MFN1: variants seen among roughly 807,000 people sequenced by gnomAD.
MFN1 encodes the protein mitofusin-1.
In MFN1, 65 loss-of-function variants were observed where a neutral mutation model predicts 92.4. The ratio of observed to expected loss-of-function variants is 0.70; its 90% CI spans 0.58 to 0.86. MFN1 has a LOEUF of 0.86. Among genes scored for constraint, MFN1 ranks in the 40% least tolerant of loss-of-function variants. The pLI, the probability that MFN1 is intolerant of heterozygous loss-of-function variation, is 0.00. For synonymous variants in MFN1, 297 were observed against 300.9 expected (o/e 0.99, Z 0.13); for missense variants, 781 against 868.0 (o/e 0.90, Z 1.26).
rs554123523 is a variant in MFN1 at position 179,385,209 on chromosome 3, G to A, written c.1663-360G>A. On this transcript the variant is annotated intron_variant, in intron 14 of 17. Transcript: ENST00000471841. ...ATTACAGGCGTGAGCCACCGCGCCC[G>A]GCCGAAGTCCTTTTTTTTTTTTTTA... 7.8e-4 allele frequency among the ~76,000 whole-genome samples: 92 copies of A among 118,412 alleles called. 1 individual carries two copies. The highest frequency in any genetic ancestry group is 2.4e-4 in the Non-Finnish European group (14 of 58,650). The allele number at this position is 118,412 out of a possible 152,430, so 77.7% of individuals were successfully genotyped here.
rs887464206 is a variant in MFN1 at position 179,364,554 on chromosome 3, C to G, written c.645+149C>G. 12 of 633,834 alleles carry G rather than the reference C, an allele frequency of 1.9e-5. No individual in the cohort carries two copies. The African/African-American group carries it at 2.0e-4, about 11-fold the overall frequency. The allele number at this position is 633,834 out of a possible 1,614,324, so 39.3% of individuals were successfully genotyped here. A position where few individuals can be genotyped will look rare whatever the true frequency, so the allele number is the denominator to read the frequency against. ...GAAGGGGTTTGTGTTTTCATAGAAC[C>G]AGAAGGGCTGTTTCTAGTCTTTCTA... is the stretch of plus-strand genomic sequence containing the variant. On this transcript the variant is annotated intron_variant, in intron 6 of 17. Coordinates refer to ENST00000471841, the MANE Select transcript of MFN1 (RefSeq NM_033540.3).
rs1396637008 is a variant in MFN1, at chr3:179,389,994, T to A, written c.2013-10T>A. ...GACATTTATGACTGCTTCTAAATTT[T>A]TATTTTAAGACAAATAGCTACCACT... On this transcript the variant is annotated splice_polypyrimidine_tract_variant and intron_variant, in intron 16 of 17. Coordinates refer to ENST00000471841, the MANE Select transcript of MFN1 (RefSeq NM_033540.3). The A allele has an allele frequency of 6.3e-7, 1 of 1,593,214 alleles. No homozygotes were observed. Among genetic ancestry groups the A allele is most frequent in the African/African-American group, 1.4e-5 (1 of 73,554 alleles).
chr3:179,349,594 C>T (rs1329771116), intron 2 of MFN1, among the ~76,000 whole-genome samples: 1 of 151,886 alleles, frequency 6.6e-6, no homozygotes, highest in Non-Finnish European at 1.5e-5. Flanking sequence ...CTGCAGCCTC[C>T]ACTTCCTGGG....
intron 9 of MFN1, among the ~76,000 whole-genome samples, chr3:179,372,739 T>A (rs1205306518): frequency 6.6e-6 from 1 of 152,218 alleles, no homozygotes; most frequent in Admixed American, 6.5e-5. Flanking sequence ...TGTGCTGTTA[T>A]CTACAAATTT....
In MFN1 at chr3:179,375,262, C is replaced by T; in HGVS notation, c.1018C>T (p.His340Tyr). The change falls in exon 10 of 18, where the codon CAC becomes TAC. Residue 340 changes from histidine to tyrosine, a missense_variant. His to Tyr is a moderately conservative substitution (Grantham distance 83). Coordinates refer to ENST00000471841, the MANE Select transcript of MFN1 (RefSeq NM_033540.3). ...AGCAGTGAAAACAAAGTTCGAACAG[C>T]ACACTATCAGAGCTAAACAGATACT... ...QSAVKTKFEQ[H>Y]TIRAKQILAT... 1.2e-6 allele frequency: 2 copies of T among 1,613,856 alleles called. 1 individual carries two copies. The highest frequency in any genetic ancestry group is 2.2e-5 in the South Asian group (2 of 91,064).
chr3:179,377,771 A>G (rs1280841466), intron 12 of MFN1, among the ~76,000 whole-genome samples: 1 of 152,092 alleles, frequency 6.6e-6, no homozygotes, highest in Non-Finnish European at 1.5e-5. Context: ...TCTAATCTAC[A>G]AAAAACAGTT....
chr3:179,375,286 C>A lies in MFN1; in HGVS notation c.1042C>A (p.Leu348Ile), dbSNP rs777965394. 9 of 1,613,876 alleles carry A rather than the reference C, an allele frequency of 5.6e-6. No individual in the cohort carries two copies. The highest frequency in any genetic ancestry group is 4.5e-5 in the East Asian group (2 of 44,848). Residue 348 changes from leucine (L) to isoleucine (I), a missense_variant, in exon 10 of 18, where the codon CTA becomes ATA. Transcript: ENST00000471841. ...GCACACTATCAGAGCTAAACAGATA[C>A]TAGCTACTGTGAAAAACATAATGGA... ...EQHTIRAKQI[L>I]ATVKNIMDSV...
intron 9 of MFN1, among the ~76,000 whole-genome samples, chr3:179,374,348 CATATATAACATATATATGTAATAT>C (rs199782457): frequency 2.9e-5 from 4 of 138,078 alleles, no homozygotes; most frequent in Non-Finnish European, 6.2e-5. Context: ...ATATATATAA[CATATATAACATATATATGTAATAT>C]ATATATAACA....
intron 14 of MFN1, among the ~76,000 whole-genome samples, chr3:179,381,756 T>C (rs1713474963): frequency 6.6e-6 from 1 of 152,264 alleles, no homozygotes; most frequent in Non-Finnish European, 1.5e-5. Context: ...TAAAATTACC[T>C]TCAGGCTATG....
intron 10 of MFN1, among the ~76,000 whole-genome samples, chr3:179,375,681 T>C (rs181678339): frequency 6.6e-6 from 1 of 152,352 alleles, no homozygotes; most frequent in Admixed American, 6.5e-5. Context: ...GGTGATCCTC[T>C]TTCTGCATTC....
rs1397727365 is a variant in MFN1, at chr3:179,377,334, A to G, written c.1225-10A>G. ...TAATTATTTTAACTCCAAAATTTTC[A>G]TATTTTCAGGTTTCATGTGCAATGA... On this transcript the variant is annotated splice_polypyrimidine_tract_variant and intron_variant, in intron 11 of 17. Transcript: ENST00000471841. The G allele has an allele frequency of 3.2e-6, 5 of 1,578,572 alleles. No individual in the cohort carries two copies. The highest frequency in any genetic ancestry group is 1.4e-5 in the African/African-American group (1 of 73,008).
chr3:179,387,629 A>T (rs1385065142), intron 16 of MFN1, among the ~76,000 whole-genome samples: 4 of 111,230 alleles, frequency 3.6e-5, no homozygotes, highest in African/African-American at 1.1e-4. Flanking sequence ...ATGGAGTCTC[A>T]GTTGCCCAGG....
chr3:179,354,332 G>A (rs1034831718), intron 3 of MFN1, among the ~76,000 whole-genome samples: 2 of 152,226 alleles, frequency 1.3e-5, no homozygotes, highest in Admixed American at 6.5e-5. Flanking sequence ...AATAGCAAAA[G>A]AAGAGACTTT....
chr3:179,389,820 T>A (rs1450953869), intron 16 of MFN1, among the ~76,000 whole-genome samples, 184 bp from the exon 17 acceptor site: 1 of 152,132 alleles, frequency 6.6e-6, no homozygotes, highest in African/African-American at 2.4e-5. Context: ...TAATATCGTC[T>A]CTTGAGCCAG....
chr3:179,357,373 A>G (rs549879237), intron 3 of MFN1, among the ~76,000 whole-genome samples: 2 of 152,296 alleles, frequency 1.3e-5, no homozygotes, highest in South Asian at 4.1e-4. Context: ...CTTGAGGATC[A>G]CTGCAAGGCT....
intron 16 of MFN1, among the ~76,000 whole-genome samples, chr3:179,387,542 T>C (rs1713732628): frequency 6.7e-6 from 1 of 149,930 alleles, no homozygotes; most frequent in South Asian, 2.1e-4. Flanking sequence ...TGAGAGACTA[T>C]GTCTCAAAAA....
intron 12 of MFN1, 171 bp from the exon 13 acceptor site, chr3:179,378,170 G>A: frequency 1.7e-6 from 1 of 603,948 alleles, no homozygotes; most frequent in East Asian, 2.9e-5. Flanking sequence ...GCTACAGTGA[G>A]TCAAGATCAA....
chr3:179,348,755 G>A (rs756262689), intron 1 of MFN1, 90 bp from the exon 2 acceptor site: 3 of 1,525,034 alleles, frequency 2.0e-6, no homozygotes, highest in Non-Finnish European at 1.8e-6. Context: ...TTATTTCATT[G>A]GGGAGTTGAT....
intron 2 of MFN1, among the ~76,000 whole-genome samples, chr3:179,350,259 CTT>C (rs1191550861): frequency 6.6e-6 from 1 of 151,220 alleles, no homozygotes; most frequent in African/African-American, 2.4e-5. Context: ...GGGAATCAAA[CTT>C]TTTTTTTCAT....
Sources: gnomAD v4.1 joint callset for allele counts (sites outside exome capture counted in the v4.1 genomes callset) on GRCh38, gnomAD v4.1.1 for gene constraint, MANE v1.5 for transcripts, NCBI Gene and HGNC (gene_info 2026-07-23, HGNC 2026-07-21) for gene names.